SLC2A11: variants seen among roughly 807,000 people sequenced by gnomAD.
The protein encoded by SLC2A11 is solute carrier family 2 member 11.
In SLC2A11, 43 loss-of-function variants were observed where a neutral mutation model predicts 52.1. That is an observed-to-expected ratio of 0.82 (90% CI 0.65 to 1.06). The LOEUF (loss-of-function observed/expected upper bound fraction) is 1.06. Among genes scored for constraint, SLC2A11 ranks in the 50% least tolerant of loss-of-function variants. The pLI, the probability that SLC2A11 is intolerant of heterozygous loss-of-function variation, is 0.00. For synonymous variants in SLC2A11, 261 were observed against 277.6 expected, an observed-to-expected ratio of 0.94 and a Z score of 0.59; for missense variants, 582 against 654.2, an observed-to-expected ratio of 0.89 and a Z score of 1.20.
chr22:23,870,195 A>G (rs1023776566), intron 3 of SLC2A11: 2 of 612,474 alleles, frequency 3.3e-6, no homozygotes, highest in Non-Finnish European at 5.9e-6. Flanking sequence ...CACGAAGAAG[A>G]CGGAGGTAAT....
At chr22:23,858,235 A>G in intron 1 of SLC2A11, 2 of 805,348 alleles carry the variant, frequency 2.5e-6, no homozygotes, top group Non-Finnish European at 4.2e-6. Context: ...TGTGGGCCAG[A>G]GCAAGGTTGC....
chr22:23,877,353 C>A, intron 5 of SLC2A11, 182 bp downstream of exon 5: 1 of 997,604 alleles, frequency 1.0e-6, no homozygotes, highest in Non-Finnish European at 1.6e-6. Flanking sequence ...CAACACACTG[C>A]AATGTGAATC....
upstream of SLC2A11, chr22:23,857,501 A>G: frequency 1.2e-6 from 2 of 1,613,636 alleles, no homozygotes; most frequent in Non-Finnish European, 1.7e-6. Flanking sequence ...TGGAGGATGA[A>G]CTGGAGCCGT....
At position 23,877,736 on chromosome 22, in the gene SLC2A11, C is replaced by T; in HGVS notation, c.561C>T (p.Gly187=). The T allele has an allele frequency of 6.3e-7, 1 of 1,595,034 alleles. No homozygotes were observed. The highest frequency in any genetic ancestry group is 8.5e-7 in the Non-Finnish European group (1 of 1,171,978). ...QVVGLRELLG[G]PQAWPLLLAS... The stretch of plus-strand genomic sequence containing the variant: ...GCCTCCTTAGGGAGCTCCTAGGTGG[C>T]CCTCAGGCCTGGCCCCTGCTGCTGG... The change falls in exon 6 of 12, where the codon GGC becomes GGT. Residue 187 remains glycine (G), a synonymous_variant. Coordinates refer to ENST00000316185, the MANE Select transcript of SLC2A11 (RefSeq NM_001024939.4).
intron 6 of SLC2A11, among the ~76,000 whole-genome samples, chr22:23,878,385 C>T (rs1568994623): frequency 6.6e-6 from 1 of 152,200 alleles, no homozygotes; most frequent in Non-Finnish European, 1.5e-5. Flanking sequence ...GGTTCAGCTG[C>T]TGGTTGGCCG....
intron 3 of SLC2A11, 39 bp from the exon 4 acceptor site, chr22:23,875,078 A>G: frequency 1.3e-6 from 2 of 1,511,920 alleles, no homozygotes; most frequent in East Asian, 2.4e-5. Context: ...GCTGGACTGA[A>G]TCACAGCCTC....
chr22:23,857,964 G>C lies in SLC2A11; in HGVS notation c.-36G>C. ...TGCTAATGGCAGCCGGGGTCTCCCT[G>C]GGACAGCAAGACCTCCGCTCAGGCC... On this transcript the variant is annotated 5_prime_UTR_variant, in exon 1 of 12. Transcript: ENST00000316185. The C allele has an allele frequency of 6.3e-7, 1 of 1,591,010 alleles. No homozygotes were observed. The highest frequency in any genetic ancestry group is 8.5e-7 in the Non-Finnish European group (1 of 1,170,518).
intron 1 of SLC2A11, 154 bp downstream of exon 1, chr22:23,858,183 G>C: frequency 8.5e-7 from 1 of 1,170,812 alleles, no homozygotes; most frequent in Non-Finnish European, 1.3e-6. Context: ...TAGGTGCTAG[G>C]CTCAGATGTG....
At chr22:23,877,531 CAGTGG>C in intron 5 of SLC2A11, 185 bp from the exon 6 acceptor site, 1 of 809,168 alleles carries the variant, frequency 1.2e-6, no homozygotes, top group African/African-American at 1.7e-5. Flanking sequence ...TGAGGTGGGG[CAGTGG>C]CCCTGTCCTC....
rs1022724530 is a variant in SLC2A11 at position 23,861,066 on chromosome 22, C to T, written c.31-1038C>T. 2.6e-3 allele frequency among the ~76,000 whole-genome samples: 396 copies of T among 151,884 alleles called. 3 individuals are homozygous for T. Among genetic ancestry groups the T allele is most frequent in the Non-Finnish European group, 1.7e-3 (118 of 67,840 alleles). On this transcript the variant is annotated intron_variant, in intron 1 of 11. Coordinates refer to ENST00000316185, the MANE Select transcript of SLC2A11 (RefSeq NM_001024939.4). ...TTCACCGTGTTAGCCAGGATGGTCT[C>T]AATCTCCTGACCTCGTGATCCGCCC...
intron 2 of SLC2A11, 168 bp from the exon 3 acceptor site, chr22:23,868,313 G>C (rs2032334036): frequency 1.5e-6 from 1 of 688,848 alleles, no homozygotes; most frequent in Non-Finnish European, 2.4e-6. Flanking sequence ...GCACAAGGGA[G>C]GTGCTCAGGC....
At chr22:23,880,637 C>T (rs946523389) in intron 6 of SLC2A11, 2 of 152,172 alleles carry the variant, frequency 1.3e-5, no homozygotes, top group Non-Finnish European at 2.9e-5. Context: ...CCTGGCAGTG[C>T]TCTGGATTTG....
chr22:23,876,582 G>C (rs2032617670), intron 4 of SLC2A11, among the ~76,000 whole-genome samples: 1 of 152,210 alleles, frequency 6.6e-6, no homozygotes, highest in Non-Finnish European at 1.5e-5. Context: ...GTAGGTGCCA[G>C]GGTCTTCCCT....
Position 23,868,621 on chromosome 22 carries a change from C to G in SLC2A11, c.270C>G (p.Pro90=), listed in dbSNP as rs1294975962. ...GGLFGALLAG[P]LAITLGRKKS... ...TCTTTGGAGCACTGCTTGCAGGTCC[C>G]TTGGCCATCACGCTGGGAAGGTAAG... Residue 90 remains proline (P), a synonymous_variant, in exon 3 of 12, where the codon CCC becomes CCG. Transcript: ENST00000316185. 6.2e-7 allele frequency: 1 copy of G among 1,614,112 alleles called. No individual in the cohort carries two copies. Among genetic ancestry groups the G allele is most frequent in the Admixed American group, 1.7e-5 (1 of 60,010 alleles).
chr22:23,857,871 G>T, upstream of SLC2A11: 1 of 1,539,464 alleles, frequency 6.5e-7, no homozygotes, highest in Non-Finnish European at 8.7e-7. Flanking sequence ...GCGTGCGCTA[G>T]CGCCTCTTTC....
chr22:23,862,420 C>G (rs2032103311), intron 2 of SLC2A11: 1 of 527,286 alleles, frequency 1.9e-6, no homozygotes, highest in Non-Finnish European at 3.4e-6. Context: ...GCAGATGACT[C>G]CATCTTCCAC....
chr22:23,865,449 T>C (rs542796008), intron 2 of SLC2A11: 1 of 152,350 alleles, frequency 6.6e-6, no homozygotes, highest in South Asian at 2.1e-4. Flanking sequence ...TCAATGACAC[T>C]TGTCAAAGCA....
chr22:23,882,386 G>C, intron 6 of SLC2A11, 73 bp from the exon 7 acceptor site: 1 of 1,327,542 alleles, frequency 7.5e-7, no homozygotes, highest in Non-Finnish European at 1.0e-6. Context: ...GTGGGATGGA[G>C]GGGGGCGTCC....
chr22:23,875,602 AT>A (rs1331691451), intron 4 of SLC2A11, among the ~76,000 whole-genome samples: 1 of 152,190 alleles, frequency 6.6e-6, no homozygotes, highest in Non-Finnish European at 1.5e-5. Flanking sequence ...CAGAAGCAGA[AT>A]GGCCTGTTAG....
Sources: allele counts gnomAD v4.1 joint callset (sites outside exome capture counted in the v4.1 genomes callset), GRCh38; gene constraint gnomAD v4.1.1; transcripts MANE v1.5; gene names NCBI Gene and HGNC (gene_info 2026-07-23, HGNC 2026-07-21).